Variants in TBC1D1 observed in about 807,000 individuals in gnomAD.
The protein encoded by TBC1D1 is TBC1 (tre-2/USP6, BUB2, cdc16) domain family, member 1.
Under a neutral mutation model 125.6 loss-of-function variants are expected in TBC1D1, and 89 were observed. That is an observed-to-expected ratio of 0.71 (90% CI 0.60 to 0.85). The LOEUF is 0.85. TBC1D1 is among the 40% of genes least tolerant of loss of function. The pLI, the probability that TBC1D1 is intolerant of heterozygous loss-of-function variation, is 0.00. For missense variants in TBC1D1, 1,377 were observed against 1,469.2 expected (o/e 0.94, Z 1.03); for synonymous variants, 565 against 564.1 (o/e 1.00, Z -0.02).
intron 5 of TBC1D1, among the ~76,000 whole-genome samples, chr4:38,021,308 T>C (rs904144400): frequency 2.0e-5 from 3 of 152,150 alleles, no homozygotes; most frequent in African/African-American, 7.2e-5. Context: ...CCATGACATA[T>C]GGGAATTATG....
rs1737490801 is a variant in TBC1D1 at position 37,995,036 on chromosome 4, A to G, written c.418-19473A>G. Reference sequence around the variant, plus strand: ...GGTTTTGTTTTGTGGGTATTTTTTTATTTTTGTATTTTCATCCTATTAGCC... The same window carrying G: ...GGTTTTGTTTTGTGGGTATTTTTTTGTTTTTGTATTTTCATCCTATTAGCC... On this transcript the variant is annotated intron_variant, in intron 2 of 19. Coordinates refer to ENST00000261439, the MANE Select transcript of TBC1D1 (RefSeq NM_015173.4). The surrounding 1 kb of genome is among the most constrained non-coding windows in gnomAD (Gnocchi z 4.3). Among the ~76,000 whole-genome samples, 1 of 151,598 alleles carries G rather than the reference A, an allele frequency of 6.6e-6. No individual in the cohort carries two copies. Among genetic ancestry groups the G allele is most frequent in the South Asian group, 2.1e-4 (1 of 4,804 alleles).
At chr4:37,963,761 A>G (rs921686053) in intron 2 of TBC1D1, among the ~76,000 whole-genome samples, 5 of 152,206 alleles carry the variant, frequency 3.3e-5, no homozygotes, top group African/African-American at 1.2e-4. Flanking sequence ...AAATGTTTTA[A>G]AAACATTTAA....
chr4:37,987,910 G>A (rs758446898), intron 2 of TBC1D1, among the ~76,000 whole-genome samples: 1 of 152,204 alleles, frequency 6.6e-6, no homozygotes, highest in Non-Finnish European at 1.5e-5. Context: ...AGTCGATTCT[G>A]CATAGACTCT....
At chr4:37,975,320 GCTA>G (rs1248623984) in intron 2 of TBC1D1, among the ~76,000 whole-genome samples, 1 of 152,188 alleles carries the variant, frequency 6.6e-6, no homozygotes, top group African/African-American at 2.4e-5. Context: ...TCACTAATTT[GCTA>G]CTACTATCTA....
chr4:38,094,724 T>C (rs1442562905), intron 13 of TBC1D1, among the ~76,000 whole-genome samples: 6 of 151,808 alleles, frequency 4.0e-5, no homozygotes. Context: ...CAGACGTGCT[T>C]GTAGCAGCCT....
At chr4:37,958,244 C>A (rs971714683) in intron 2 of TBC1D1, among the ~76,000 whole-genome samples, 3 of 152,232 alleles carry the variant, frequency 2.0e-5, no homozygotes, top group Admixed American at 2.0e-4. Flanking sequence ...AAAGCAGATT[C>A]ATCTCCTAGA....
At chr4:37,929,778 A>G (rs1722887550) in intron 2 of TBC1D1, among the ~76,000 whole-genome samples, 1 of 152,210 alleles carries the variant, frequency 6.6e-6, no homozygotes, top group Non-Finnish European at 1.5e-5. Context: ...CCTAACGTGA[A>G]CTATGTCAAT....
rs568009782 is a variant in TBC1D1, at chr4:37,902,415, A to G, written c.320A>G (p.Asn107Ser). The G allele has an allele frequency of 2.5e-6, 4 of 1,614,144 alleles. No individual in the cohort carries two copies. In the African/African-American group the frequency reaches 5.3e-5, roughly 22 times the overall value. Residue 107 changes from asparagine (N) to serine (S), a missense_variant, in exon 2 of 20, where the codon AAC (asparagine) becomes AGC (serine). Around this residue, in one of 3 missense-constraint regions of TBC1D1, gnomAD observed 822 missense variants for 824.6 expected, o/e 1.00. Transcript: ENST00000261439. ...CAGCGTGTTCACAAACTGATTCACA[A>G]CAGTCATGACCCAAGTTACTTTGCT... is the stretch of plus-strand genomic sequence containing the variant.
At chr4:38,068,392 C>G (rs1458967897) in intron 12 of TBC1D1, among the ~76,000 whole-genome samples, 1 of 152,104 alleles carries the variant, frequency 6.6e-6, no homozygotes, top group Non-Finnish European at 1.5e-5. Flanking sequence ...CAGGACACTC[C>G]TGCTCGTTTT....
intron 15 of TBC1D1, among the ~76,000 whole-genome samples, chr4:38,112,519 A>T (rs1000625204): frequency 2.0e-5 from 3 of 152,024 alleles, no homozygotes; most frequent in Non-Finnish European, 2.9e-5. Context: ...TTGTACGTGT[A>T]CTCTCCACTC....
chr4:37,943,268 AT>A (rs1256789249), intron 2 of TBC1D1, among the ~76,000 whole-genome samples: 1 of 151,822 alleles, frequency 6.6e-6, no homozygotes, highest in East Asian at 1.9e-4. Flanking sequence ...TGCCCTTAAC[AT>A]TTTTTCCTTC....
chr4:37,901,158 T>C (rs950260849), intron 1 of TBC1D1, among the ~76,000 whole-genome samples: 7 of 151,976 alleles, frequency 4.6e-5, no homozygotes, highest in Non-Finnish European at 1.0e-4. Context: ...GTTTTCTGTT[T>C]TTTGTTTGTT....
At chr4:37,987,205 T>C (rs1178668339) in intron 2 of TBC1D1, among the ~76,000 whole-genome samples, 1 of 152,210 alleles carries the variant, frequency 6.6e-6, no homozygotes, top group East Asian at 1.9e-4. Flanking sequence ...CAGAACTTTA[T>C]ATGTGCCAGC....
intron 2 of TBC1D1, among the ~76,000 whole-genome samples, chr4:37,992,040 G>T (rs1560581721): frequency 1.3e-5 from 2 of 152,240 alleles, no homozygotes; most frequent in Non-Finnish European, 2.9e-5. Flanking sequence ...GGCAGGAAGA[G>T]TTGAGTGGAG....
intron 6 of TBC1D1, among the ~76,000 whole-genome samples, chr4:38,024,653 A>G (rs2152440842): frequency 1.3e-5 from 2 of 152,310 alleles, no homozygotes; most frequent in Middle Eastern, 6.8e-3. Flanking sequence ...GAAGAAGTGC[A>G]TTGTTAGTAG....
intron 12 of TBC1D1, among the ~76,000 whole-genome samples, chr4:38,067,087 G>C (rs915812259): frequency 2.0e-5 from 3 of 152,034 alleles, no homozygotes; most frequent in African/African-American, 7.2e-5. Flanking sequence ...ATGTTAACCA[G>C]GATGGTCTCT....
chr4:38,020,859 A>C, intron 5 of TBC1D1, 164 bp downstream of exon 5: 1 of 492,076 alleles, frequency 2.0e-6, no homozygotes, highest in South Asian at 2.9e-5. Context: ...TACACATCTG[A>C]AGCTTAATTG....
intron 7 of TBC1D1, among the ~76,000 whole-genome samples, chr4:38,033,392 A>AT (rs1416783404): frequency 1.3e-5 from 2 of 151,684 alleles, no homozygotes; most frequent in Non-Finnish European, 2.9e-5. Context: ...AATAGACTTA[A>AT]TTTTTTTTAG....
chr4:38,001,176 C>T (rs534584120), intron 2 of TBC1D1, among the ~76,000 whole-genome samples: 7 of 151,966 alleles, frequency 4.6e-5, no homozygotes, highest in South Asian at 2.1e-4. Context: ...GCCAAGATTG[C>T]GCCACTGGAC....
Sources: gnomAD v4.1 joint callset for allele counts (sites outside exome capture counted in the v4.1 genomes callset) on GRCh38, gnomAD v4.1.1 for gene constraint, gnomAD v4.1.1 regional missense constraint, Gnocchi (gnomAD v3.1) non-coding constraint, MANE v1.5 for transcripts, NCBI Gene and HGNC (gene_info 2026-07-23, HGNC 2026-07-21) for gene names.